FBXO15: variants seen among roughly 807,000 people sequenced by gnomAD.
The protein encoded by FBXO15 is F-box protein 15, also known as F-box only protein 15.
FBXO15 carries 30 observed loss-of-function variants against 49.5 expected under a neutral mutation model. The observed-to-expected ratio is 0.61, with a 90% CI of 0.45 to 0.82. FBXO15 has a LOEUF of 0.82. Among genes scored for constraint, FBXO15 ranks in the 40% least tolerant of loss-of-function variants. The probability of loss-of-function intolerance (pLI) is 0.00; values close to 1 mark genes in which losing one functional copy is unlikely to be tolerated. For synonymous variants in FBXO15, 250 were observed against 232.7 expected, an observed-to-expected ratio of 1.07 and a Z score of -0.68; for missense variants, 591 against 631.5, an observed-to-expected ratio of 0.94 and a Z score of 0.69.
At chr18:74,081,094 T>C (rs4891534) in intron 9 of FBXO15, among the ~76,000 whole-genome samples, 24,662 of 152,236 alleles carry the variant, frequency 0.16, 2,380 homozygotes, top group East Asian at 0.34. Flanking sequence ...TATGAATAAA[T>C]AGGATTTGTA....
At chr18:74,101,386 T>C (rs769406833) in intron 8 of FBXO15, among the ~76,000 whole-genome samples, 34 of 151,998 alleles carry the variant, frequency 2.2e-4, no homozygotes, top group Non-Finnish European at 4.4e-4. Flanking sequence ...CTCAGCAAAA[T>C]TGGCATACAA....
intron 1 of FBXO15, among the ~76,000 whole-genome samples, chr18:74,146,344 T>C (rs1979408971): frequency 6.6e-6 from 1 of 152,232 alleles, no homozygotes; most frequent in Non-Finnish European, 1.5e-5. Flanking sequence ...GACTTTTCTT[T>C]ACCAAAAATA....
At chr18:74,147,643 G>T (rs1212291077) in intron 1 of FBXO15, 27 bp downstream of exon 1, 5 of 1,382,700 alleles carry the variant, frequency 3.6e-6, no homozygotes, top group Non-Finnish European at 4.7e-6. Context: ...CCCGCCAGGG[G>T]ACCCCACCCG....
chr18:74,134,971 T>A (rs1449805887), intron 3 of FBXO15, among the ~76,000 whole-genome samples: 1 of 152,196 alleles, frequency 6.6e-6, no homozygotes, highest in Non-Finnish European at 1.5e-5. Flanking sequence ...GTAGGAATGA[T>A]GTTTGTCTGA....
At chr18:74,135,906 G>C in intron 2 of FBXO15, 40 bp from the exon 3 acceptor site, 1 of 1,525,224 alleles carries the variant, frequency 6.6e-7, no homozygotes, top group Non-Finnish European at 9.0e-7. Flanking sequence ...CACCAGAGTG[G>C]ACCAGGGCTT....
chr18:74,141,950 G>C (rs1255110697), intron 1 of FBXO15, among the ~76,000 whole-genome samples: 1 of 152,182 alleles, frequency 6.6e-6, no homozygotes, highest in African/African-American at 2.4e-5. Context: ...AAAAAGCACA[G>C]TAGCTGGTAC....
intron 4 of FBXO15, among the ~76,000 whole-genome samples, 198 bp downstream of exon 4, chr18:74,130,218 A>G (rs1213668659): frequency 3.3e-5 from 5 of 152,184 alleles, no homozygotes; most frequent in East Asian, 1.9e-4. Flanking sequence ...CCCCCCCACT[A>G]ATATTTCTGA....
At chr18:74,108,430 T>C (rs2145158950) in intron 8 of FBXO15, among the ~76,000 whole-genome samples, 1 of 152,068 alleles carries the variant, frequency 6.6e-6, no homozygotes, top group African/African-American at 2.4e-5. Context: ...GTTGGGCTTA[T>C]TAGTAGGCTA....
At chr18:74,093,355 A>G (rs1222465937) in intron 8 of FBXO15, among the ~76,000 whole-genome samples, 1 of 152,042 alleles carries the variant, frequency 6.6e-6, no homozygotes, top group African/African-American at 2.4e-5. Context: ...GGTGCGTGTC[A>G]GCGAGGGCCA....
intron 2 of FBXO15, among the ~76,000 whole-genome samples, chr18:74,138,645 C>T (rs1599190780): frequency 6.6e-6 from 1 of 152,086 alleles, no homozygotes; most frequent in African/African-American, 2.4e-5. Flanking sequence ...ACACATCCAT[C>T]ATCCATCTGG....
chr18:74,115,747 ATAATT>A (rs1274040212), intron 8 of FBXO15, among the ~76,000 whole-genome samples: 1 of 152,228 alleles, frequency 6.6e-6, no homozygotes, highest in Non-Finnish European at 1.5e-5. Flanking sequence ...TGCATAATGT[ATAATT>A]TAAATAGCTA....
rs1255156208 is a variant in FBXO15 at position 74,128,112 on chromosome 18, CA to C, written c.785+1292del. Among the ~76,000 whole-genome samples, 7 of 152,124 alleles carry C rather than the reference CA, an allele frequency of 4.6e-5. No homozygotes were observed. The East Asian group carries it at 1.4e-3, about 29-fold the overall frequency. The stretch of plus-strand genomic sequence containing the variant: ...CCATTTTTTAAAAGGTAACTGTTTC[CA>C]AAGTATCTTCAGTAATATATTTAGG... On this transcript the variant is annotated intron_variant, in intron 5 of 9. Transcript: ENST00000419743.
At chr18:74,120,458 G>A (rs1914425453) in intron 8 of FBXO15, among the ~76,000 whole-genome samples, 2 of 152,098 alleles carry the variant, frequency 1.3e-5, no homozygotes, top group African/African-American at 4.8e-5. Flanking sequence ...AAAAATTCAA[G>A]TAATACAAAG....
chr18:74,124,689 T>C (rs1428813435), intron 6 of FBXO15, 118 bp from the exon 7 acceptor site: 2 of 808,464 alleles, frequency 2.5e-6, no homozygotes, highest in African/African-American at 1.7e-5. Context: ...CTTACAAACA[T>C]AAGATCACCA....
At chr18:74,078,076 C>T (rs969552260) in intron 9 of FBXO15, among the ~76,000 whole-genome samples, 3 of 152,066 alleles carry the variant, frequency 2.0e-5, no homozygotes, top group Non-Finnish European at 4.4e-5. Flanking sequence ...CACAAGGGCT[C>T]CTTGGTGAGG....
intron 9 of FBXO15, among the ~76,000 whole-genome samples, chr18:74,077,324 G>A (rs1912295402): frequency 6.6e-6 from 1 of 152,166 alleles, no homozygotes; most frequent in Non-Finnish European, 1.5e-5. Flanking sequence ...AATGCATCAG[G>A]GGCAGCAAAC....
chr18:74,101,187 A>G (rs1003269051), intron 8 of FBXO15, among the ~76,000 whole-genome samples: 1 of 152,176 alleles, frequency 6.6e-6, no homozygotes, highest in Non-Finnish European at 1.5e-5. Flanking sequence ...ATCCAACAAC[A>G]TATCAAAAAG....
intron 9 of FBXO15, among the ~76,000 whole-genome samples, chr18:74,081,580 G>A (rs898142686): frequency 2.8e-4 from 42 of 152,344 alleles, no homozygotes; most frequent in African/African-American, 9.9e-4. Context: ...TGCTGCCTGC[G>A]TGGTCCAACC....
chr18:74,139,340 A>C (rs1978921258), intron 2 of FBXO15, among the ~76,000 whole-genome samples: 1 of 152,218 alleles, frequency 6.6e-6, no homozygotes, highest in Admixed American at 6.5e-5. Flanking sequence ...GTAGGTCCTC[A>C]AATATTTAAT....
Sources: gnomAD v4.1 joint callset for allele counts (sites outside exome capture counted in the v4.1 genomes callset) on GRCh38, gnomAD v4.1.1 for gene constraint, MANE v1.5 for transcripts, NCBI Gene and HGNC (gene_info 2026-07-23, HGNC 2026-07-21) for gene names.